SYNJ1: variants seen among roughly 807,000 people sequenced by gnomAD.
The protein encoded by SYNJ1 is synaptojanin 1, also known as polyphosphatidylinositol phosphatase SYNJ1.
SYNJ1 carries 78 observed loss-of-function variants against 168.2 expected under a neutral mutation model. The ratio of observed to expected loss-of-function variants is 0.46; its 90% confidence interval spans 0.39 to 0.56. The LOEUF (loss-of-function observed/expected upper bound fraction) is 0.56. Among genes scored for constraint, SYNJ1 ranks in the 20% least tolerant of loss-of-function variants. The pLI is 0.00. For missense variants in SYNJ1, 1,303 were observed against 1,597.6 expected (o/e 0.82, Z 3.14); for synonymous variants, 539 against 548.6 (o/e 0.98, Z 0.24).
At chr21:32,714,621 T>TG (rs1252810097) in intron 2 of SYNJ1, among the ~76,000 whole-genome samples, 13 of 152,142 alleles carry the variant, frequency 8.5e-5, no homozygotes, top group Non-Finnish European at 2.9e-5. Flanking sequence ...ACTTGGTAGA[T>TG]GGAGTGCAAT....
At chr21:32,678,578 T>A in intron 12 of SYNJ1, 67 bp downstream of exon 12, 1 of 1,449,030 alleles carries the variant, frequency 6.9e-7, no homozygotes, top group Non-Finnish European at 9.1e-7. Context: ...TCTGTGTAAA[T>A]AAGTTTACAT....
chr21:32,699,178 C>G (rs574186022), intron 4 of SYNJ1, among the ~76,000 whole-genome samples: 8 of 152,240 alleles, frequency 5.3e-5, no homozygotes, highest in African/African-American at 1.9e-4. Context: ...GTAAAGCAAG[C>G]AAAAGTTTTA....
At chr21:32,674,978 C>T (rs1406715877) in intron 13 of SYNJ1, among the ~76,000 whole-genome samples, 1 of 152,084 alleles carries the variant, frequency 6.6e-6, no homozygotes, top group Non-Finnish European at 1.5e-5. Flanking sequence ...GCAGATTTCT[C>T]ACCACCTAGC....
intron 29 of SYNJ1, among the ~76,000 whole-genome samples, chr21:32,640,886 T>C (rs528736857): frequency 2.8e-4 from 42 of 152,376 alleles, no homozygotes; most frequent in African/African-American, 9.1e-4. Context: ...AAGCAAAATA[T>C]GAACTTTTAA....
chr21:32,642,440 T>G (rs113757720), intron 27 of SYNJ1, among the ~76,000 whole-genome samples: 25 of 152,116 alleles, frequency 1.6e-4, no homozygotes, highest in African/African-American at 6.0e-4. Flanking sequence ...CTCGTGAACC[T>G]TGAAAACATA....
chr21:32,718,106 A>G (rs1033839796), intron 2 of SYNJ1, among the ~76,000 whole-genome samples: 1 of 152,226 alleles, frequency 6.6e-6, no homozygotes, highest in African/African-American at 2.4e-5. Flanking sequence ...CACTATGGTC[A>G]GAAGCTCCCG....
chr21:32,680,303 T>C (rs1402175526), intron 11 of SYNJ1, among the ~76,000 whole-genome samples: 1 of 152,104 alleles, frequency 6.6e-6, no homozygotes, highest in Non-Finnish European at 1.5e-5. Context: ...TTGGAGACCA[T>C]GAATGGTCTT....
Position 32,642,110 on chromosome 21 carries a change from T to G in SYNJ1, c.3502A>C (p.Arg1168=), listed in dbSNP as rs1569031099. ...MEAPKSPGTT[R]KDNIGRSQPS... ...GTGTTTTTACCTATATTATCTTTCC[T>G]TGTTGTTCCAGGGCTTTTGGGTGCT... The change falls in exon 28 of 33, where the codon AGG becomes CGG. Residue 1168 remains arginine, a synonymous_variant. Transcript: ENST00000674351. The G allele has an allele frequency of 1.2e-6, 2 of 1,614,194 alleles. No individual in the cohort carries two copies. Among genetic ancestry groups the G allele is most frequent in the Non-Finnish European group, 1.7e-6 (2 of 1,180,030 alleles).
intron 31 of SYNJ1, among the ~76,000 whole-genome samples, chr21:32,636,492 C>T (rs2039572021): frequency 6.6e-6 from 1 of 152,086 alleles, no homozygotes; most frequent in African/African-American, 2.4e-5. Flanking sequence ...TACAAATGTT[C>T]AATTCTAAAA....
At chr21:32,699,719 T>C (rs1601467147) in intron 4 of SYNJ1, 119 bp downstream of exon 4, 1 of 1,230,712 alleles carries the variant, frequency 8.1e-7, no homozygotes. Flanking sequence ...AAAAGGGGCA[T>C]CGAGGGTCTT....
intron 4 of SYNJ1, among the ~76,000 whole-genome samples, chr21:32,699,065 T>C (rs1880978375): frequency 6.6e-6 from 1 of 152,200 alleles, no homozygotes; most frequent in African/African-American, 2.4e-5. Context: ...CTGCCTGCCA[T>C]GCTCTGCTGA....
chr21:32,681,531 A>T lies in SYNJ1; in HGVS notation c.1318T>A (p.Tyr440Asn). 6.2e-7 allele frequency: 1 copy of T among 1,613,418 alleles called. No homozygotes were observed. Among genetic ancestry groups the T allele is most frequent in the Non-Finnish European group, 8.5e-7 (1 of 1,179,556 alleles). The change falls in exon 11 of 33, where the codon TAT (tyrosine) becomes AAT (asparagine). Residue 440 changes from tyrosine to asparagine, a missense_variant. By Grantham distance (143) the Tyr-to-Asn change is moderately radical (BLOSUM62 -2). This residue lies in a region of SYNJ1 where 920 missense variants were observed against 1,208.8 expected (regional missense o/e 0.76). Transcript: ENST00000674351. ...SVNGDSISKI[Y>N]AGTGALEGKA... ...CCTTCAAGAGCTCCAGTTCCTGCAT[A>T]TATCTTACTGATTGAATCACCATTC...
chr21:32,727,089 A>G (rs1455481649), intron 1 of SYNJ1, 172 bp from the exon 2 acceptor site: 1 of 851,112 alleles, frequency 1.2e-6, no homozygotes, highest in Admixed American at 3.0e-5. Flanking sequence ...TCGTCACTTA[A>G]TTTTACCAAA....
At chr21:32,642,042 T>C (rs1287370029) in intron 28 of SYNJ1, 53 bp downstream of exon 28, 1 of 1,613,268 alleles carries the variant, frequency 6.2e-7, no homozygotes, top group Admixed American at 1.7e-5. Flanking sequence ...ATTCCAAGTG[T>C]CTATTTCACG....
intron 8 of SYNJ1, among the ~76,000 whole-genome samples, chr21:32,686,775 G>T (rs2146097198): frequency 6.6e-6 from 1 of 152,280 alleles, no homozygotes; most frequent in East Asian, 1.9e-4. Flanking sequence ...TGCATTGAAA[G>T]CTTTTTAGAA....
chr21:32,664,339 C>T (rs1168287102), intron 18 of SYNJ1, among the ~76,000 whole-genome samples: 1 of 152,152 alleles, frequency 6.6e-6, no homozygotes, highest in East Asian at 1.9e-4. Flanking sequence ...TTGTCTTATG[C>T]CCAATTTCTG....
At chr21:32,632,982 C>T (rs781534830) in intron 32 of SYNJ1, among the ~76,000 whole-genome samples, 6 of 151,954 alleles carry the variant, frequency 3.9e-5, no homozygotes, top group East Asian at 3.9e-4. Context: ...ATCGCACCAC[C>T]GCACTCCAGC....
Position 32,681,124 on chromosome 21 carries a change from C to G in SYNJ1, c.1353+372G>C, listed in dbSNP as rs112863964. Among the ~76,000 whole-genome samples the G allele has an allele frequency of 7.2e-5, 11 of 152,130 alleles. 1 individual carries two copies. Among genetic ancestry groups the G allele is most frequent in the African/African-American group, 2.7e-4 (11 of 41,504 alleles). The stretch of plus-strand genomic sequence containing the variant: ...ACGCAAAGCCAAATAAGAGAGAACC[C>G]TTTATTAAGAGGTCTATGGTTTTAA... On this transcript the variant is annotated intron_variant, in intron 11 of 32. Coordinates refer to ENST00000674351, the MANE Select transcript of SYNJ1 (RefSeq NM_203446.3).
In SYNJ1 at chr21:32,683,141, T is replaced by C. The variant is rs113488897; in HGVS notation, c.1200+897A>G. ...TCATTAACTAAAGGAAATAAGAACA[T>C]GTAACTTCCTATTGCTGTTTTTTTA... On this transcript the variant is annotated intron_variant, in intron 10 of 32. Coordinates refer to ENST00000674351, the MANE Select transcript of SYNJ1 (RefSeq NM_203446.3). Among the ~76,000 whole-genome samples, 115 of 152,262 alleles carry C rather than the reference T, an allele frequency of 7.6e-4. 1 individual carries two copies. The highest frequency in any genetic ancestry group is 2.6e-3 in the African/African-American group (109 of 41,580).
Sources: gnomAD v4.1 joint callset for allele counts (sites outside exome capture counted in the v4.1 genomes callset) on GRCh38, gnomAD v4.1.1 for gene constraint, gnomAD v4.1.1 regional missense constraint, MANE v1.5 for transcripts, NCBI Gene and HGNC (gene_info 2026-07-23, HGNC 2026-07-21) for gene names.